Variants in CNTNAP2 observed in about 807,000 individuals in gnomAD.
The protein encoded by CNTNAP2 is contactin-associated protein-like 2.
In CNTNAP2, 98 loss-of-function variants were observed where a neutral mutation model predicts 155.2. The observed-to-expected ratio is 0.63, with a 90% CI of 0.54 to 0.75. The LOEUF (loss-of-function observed/expected upper bound fraction) is 0.75. CNTNAP2 is among the 30% of genes least tolerant of loss of function. CNTNAP2 has a pLI of 0.00. For missense variants in CNTNAP2, 1,727 were observed against 1,688.1 expected (o/e 1.02, Z -0.40); for synonymous variants, 651 against 631.2 (o/e 1.03, Z -0.47).
intron 10 of CNTNAP2, among the ~76,000 whole-genome samples, chr7:147,407,591 T>C (rs767773052): frequency 2.0e-5 from 3 of 149,142 alleles, no homozygotes; most frequent in Non-Finnish European, 4.4e-5. Context: ...AGGCCACTGG[T>C]ACTAAACTAC....
chr7:146,140,313 T>A (rs79440071), intron 1 of CNTNAP2, among the ~76,000 whole-genome samples: 2,184 of 152,222 alleles, frequency 0.014, 27 homozygotes, highest in Non-Finnish European at 0.022. Context: ...TCCTGTTCAA[T>A]GTCTCAAGTT....
chr7:146,974,979 A>G (rs1190715147), intron 3 of CNTNAP2, among the ~76,000 whole-genome samples: 2 of 152,182 alleles, frequency 1.3e-5, no homozygotes, highest in East Asian at 3.8e-4. Context: ...CTAAAAAAAC[A>G]AAACAAAGCA....
In CNTNAP2 at chr7:148,362,462, G is replaced by A. The variant is rs373854768; in HGVS notation, c.3476-21187G>A. On this transcript the variant is annotated intron_variant, in intron 21 of 23. Coordinates refer to ENST00000361727, the MANE Select transcript of CNTNAP2 (RefSeq NM_014141.6). ...CTTTTTGGGGCACACAACTCAACCT[G>A]TAATAGGATCCTTACAGGTCTTTGC... Among the ~76,000 whole-genome samples the A allele has an allele frequency of 6.6e-5, 10 of 152,296 alleles. 1 individual carries two copies. The highest frequency in any genetic ancestry group is 6.8e-3 in the Middle Eastern group (2 of 294).
intron 12 of CNTNAP2, among the ~76,000 whole-genome samples, chr7:147,569,128 G>C (rs1312051864): frequency 6.6e-6 from 1 of 152,166 alleles, no homozygotes; most frequent in Non-Finnish European, 1.5e-5. Context: ...GGATTTAGCT[G>C]ATCAAATTCT....
At chr7:147,196,160 C>T (rs537205036) in intron 8 of CNTNAP2, among the ~76,000 whole-genome samples, 17 of 152,236 alleles carry the variant, frequency 1.1e-4, no homozygotes, top group South Asian at 1.0e-3. Context: ...ACACCTTGGT[C>T]GCAGACTTCT....
chr7:146,558,220 C>G (rs1284194340), intron 1 of CNTNAP2, among the ~76,000 whole-genome samples: 1 of 152,046 alleles, frequency 6.6e-6, no homozygotes, highest in African/African-American at 2.4e-5. Flanking sequence ...ACTCTAGGTG[C>G]TGGGACATGT....
intron 13 of CNTNAP2, among the ~76,000 whole-genome samples, chr7:147,727,493 T>A (rs1357662992): frequency 5.3e-5 from 8 of 152,102 alleles, no homozygotes. Flanking sequence ...ATTATCTTAC[T>A]GTTTCTGCCT....
intron 14 of CNTNAP2, among the ~76,000 whole-genome samples, chr7:147,953,997 C>T (rs1269322374): frequency 2.0e-5 from 3 of 152,108 alleles, no homozygotes. Context: ...AGACACAGTT[C>T]TACCCACCAC....
chr7:147,212,586 G>A (rs1030207539), intron 8 of CNTNAP2, among the ~76,000 whole-genome samples: 6 of 152,112 alleles, frequency 3.9e-5, no homozygotes, highest in East Asian at 1.9e-4. Context: ...GACAATCAGA[G>A]TGAAGAGGTA....
At position 148,418,709 on chromosome 7, in the gene CNTNAP2, T is replaced by G. The variant is rs1159560287; in HGVS notation, c.*3093T>G. On this transcript the variant is annotated 3_prime_UTR_variant, in exon 24 of 24. Coordinates refer to ENST00000361727, the MANE Select transcript of CNTNAP2 (RefSeq NM_014141.6). ...CCCTTCTTAATATTTAAAAATGTAT[T>G]TCCCCTTGTGGCTTTCAACCACCTG... 1 of 152,200 alleles carries G rather than the reference T, an allele frequency of 6.6e-6. No individual in the cohort carries two copies. The highest frequency in any genetic ancestry group is 2.4e-5 in the African/African-American group (1 of 41,448). 9.4% of individuals were successfully genotyped at this position (152,200 alleles called of 1,614,324 possible).
chr7:146,572,653 A>G (rs959021791), intron 1 of CNTNAP2, among the ~76,000 whole-genome samples: 1 of 152,168 alleles, frequency 6.6e-6, no homozygotes, highest in African/African-American at 2.4e-5. Context: ...TTAAAGTAAT[A>G]TGTTGCCATT....
At chr7:146,315,031 G>C (rs1800884353) in intron 1 of CNTNAP2, among the ~76,000 whole-genome samples, 1 of 152,174 alleles carries the variant, frequency 6.6e-6, no homozygotes, top group Admixed American at 6.5e-5. Context: ...ACTGGAGAAA[G>C]CCAGGGAAGG....
chr7:146,888,191 T>C (rs781087529), intron 3 of CNTNAP2, among the ~76,000 whole-genome samples: 8 of 152,144 alleles, frequency 5.3e-5, no homozygotes, highest in African/African-American at 1.9e-4. Context: ...ATTTACAACA[T>C]GGTATCATTT....
chr7:146,218,093 T>C (rs1799143424), intron 1 of CNTNAP2, among the ~76,000 whole-genome samples: 1 of 152,158 alleles, frequency 6.6e-6, no homozygotes, highest in East Asian at 1.9e-4. Context: ...CTGTTTTTAG[T>C]CATAGAATCT....
intron 4 of CNTNAP2, among the ~76,000 whole-genome samples, chr7:147,069,191 C>T (rs2129264885): frequency 6.6e-6 from 1 of 152,280 alleles, no homozygotes; most frequent in African/African-American, 2.4e-5. Flanking sequence ...CACTAGGCCC[C>T]ACCTCCAACA....
intron 4 of CNTNAP2, among the ~76,000 whole-genome samples, chr7:147,046,763 C>G (rs943029525): frequency 2.0e-5 from 3 of 152,176 alleles, no homozygotes; most frequent in Admixed American, 6.5e-5. Flanking sequence ...GGCGCGGTGG[C>G]TCACACCTGT....
At chr7:147,833,857 G>T (rs2116640056) in intron 13 of CNTNAP2, among the ~76,000 whole-genome samples, 1 of 152,284 alleles carries the variant, frequency 6.6e-6, no homozygotes, top group East Asian at 1.9e-4. Context: ...ATAGAATGAG[G>T]TAGGAATGGG....
intron 8 of CNTNAP2, among the ~76,000 whole-genome samples, chr7:147,277,298 G>T (rs1449851447): frequency 2.0e-5 from 3 of 151,916 alleles, no homozygotes; most frequent in Non-Finnish European, 4.4e-5. Flanking sequence ...GTCATAGCAG[G>T]ATGGTTCAGG....
At chr7:147,168,025 T>A (rs945739650) in intron 8 of CNTNAP2, among the ~76,000 whole-genome samples, 1 of 149,056 alleles carries the variant, frequency 6.7e-6, no homozygotes, top group African/African-American at 2.4e-5. Context: ...TATATGTATA[T>A]GTGTGTTTAC....
Sources: gnomAD v4.1 joint callset for allele counts (sites outside exome capture counted in the v4.1 genomes callset) on GRCh38, gnomAD v4.1.1 for gene constraint, MANE v1.5 for transcripts, NCBI Gene and HGNC (gene_info 2026-07-23, HGNC 2026-07-21) for gene names.